Variants in SPATS2L observed in about 807,000 individuals in gnomAD.
SPATS2L encodes spermatogenesis associated serine rich 2 like.
In SPATS2L, 30 loss-of-function variants were observed where a neutral mutation model predicts 59.6. That is an observed-to-expected ratio of 0.50 (90% CI 0.38 to 0.68). SPATS2L has a LOEUF of 0.68. Ranked by LOEUF, SPATS2L falls within the 30% of genes least tolerant of loss-of-function variation. The pLI is 0.00. For missense variants in SPATS2L, 615 were observed against 700.0 expected (o/e 0.88, Z 1.37); for synonymous variants, 252 against 263.5 (o/e 0.96, Z 0.42).
chr2:200,371,678 A>AT (rs1358924783), intron 2 of SPATS2L, among the ~76,000 whole-genome samples: 1 of 152,216 alleles, frequency 6.6e-6, no homozygotes, highest in East Asian at 1.9e-4. Flanking sequence ...TTATCTACAA[A>AT]TTAATTTGGG....
chr2:200,381,510 A>G (rs192295144), intron 2 of SPATS2L, among the ~76,000 whole-genome samples: 10 of 152,288 alleles, frequency 6.6e-5, no homozygotes, highest in Admixed American at 2.6e-4. Context: ...CTTGTTTCCC[A>G]TCCTGTCAGA....
chr2:200,308,703 A>C (rs2079103761), intron 1 of SPATS2L, among the ~76,000 whole-genome samples: 2 of 152,232 alleles, frequency 1.3e-5, no homozygotes, highest in Admixed American at 1.3e-4. Context: ...AATCACTTGA[A>C]TGCAGAGAAT....
intron 2 of SPATS2L, among the ~76,000 whole-genome samples, chr2:200,381,077 G>A (rs556414681): frequency 1.8e-4 from 27 of 152,286 alleles, no homozygotes; most frequent in Middle Eastern, 3.4e-3. Flanking sequence ...GGGACAAAAC[G>A]GAAGAGAAAT....
intron 3 of SPATS2L, 29 bp from the exon 4 acceptor site, chr2:200,412,282 C>G (rs780988562): frequency 2.7e-5 from 33 of 1,236,896 alleles, no homozygotes; most frequent in Non-Finnish European, 3.6e-5. Context: ...GTTCACATTT[C>G]TATTTCTTTT....
Position 200,434,184 on chromosome 2 carries a change from G to A in SPATS2L, c.446-4938G>A, listed in dbSNP as rs544601620. On this transcript the variant is annotated intron_variant, in intron 6 of 12. Transcript: ENST00000409140. ...ATAATATTATTAATAAAATAAAGGA[G>A]AACAATAATATGATCATCTCAGTGT... 8.6e-5 allele frequency among the ~76,000 whole-genome samples: 13 copies of A among 151,810 alleles called. No homozygotes were observed. In the South Asian group the frequency reaches 2.7e-3, roughly 32 times the overall value.
At chr2:200,449,310 C>G (rs1426862960) in intron 8 of SPATS2L, among the ~76,000 whole-genome samples, 2 of 152,136 alleles carry the variant, frequency 1.3e-5, no homozygotes, top group Admixed American at 6.5e-5. Flanking sequence ...TAGGTATAGT[C>G]CCCAGGAAAC....
chr2:200,398,996 G>A (rs912599788), intron 3 of SPATS2L, among the ~76,000 whole-genome samples: 1 of 152,082 alleles, frequency 6.6e-6, no homozygotes, highest in African/African-American at 2.4e-5. Flanking sequence ...AATCCTTGAA[G>A]GTAATTATCA....
At chr2:200,390,248 C>T (rs1486375481) in intron 3 of SPATS2L, 2 of 152,348 alleles carry the variant, frequency 1.3e-5, no homozygotes, top group South Asian at 4.1e-4. Flanking sequence ...CACTTAGCAA[C>T]AGGGTAATAG....
At chr2:200,422,538 A>AG (rs2083353225) in intron 6 of SPATS2L, among the ~76,000 whole-genome samples, 1 of 9,186 alleles carries the variant, frequency 1.1e-4, no homozygotes, top group Non-Finnish European at 6.0e-3. Context: ...AAGACTCCTC[A>AG]AAAAAAAAAA....
chr2:200,378,339 G>A (rs892328483), intron 2 of SPATS2L: 8 of 1,002,428 alleles, frequency 8.0e-6, no homozygotes, highest in South Asian at 4.7e-5. Flanking sequence ...TGGACTGAGA[G>A]CCCTGATTTG....
intron 8 of SPATS2L, among the ~76,000 whole-genome samples, chr2:200,456,784 A>G (rs554470041): frequency 1.3e-5 from 2 of 152,224 alleles, no homozygotes; most frequent in African/African-American, 4.8e-5. Flanking sequence ...TGTCACATGC[A>G]GCAGTATTTC....
At chr2:200,424,323 T>A (rs1347832109) in intron 6 of SPATS2L, among the ~76,000 whole-genome samples, 1 of 149,676 alleles carries the variant, frequency 6.7e-6, no homozygotes, top group African/African-American at 2.5e-5. Flanking sequence ...CTTATCTCTT[T>A]AAAAAAAAAA....
intron 6 of SPATS2L, among the ~76,000 whole-genome samples, chr2:200,438,085 G>A (rs1296521388): frequency 6.6e-6 from 1 of 152,094 alleles, no homozygotes; most frequent in Admixed American, 6.6e-5. Flanking sequence ...ATAAAACCGT[G>A]GTACCATGGT....
Position 200,382,410 on chromosome 2 carries a change from G to A in SPATS2L, c.-22-6813G>A, listed in dbSNP as rs78705022. Among the ~76,000 whole-genome samples the A allele has an allele frequency of 2.5e-3, 383 of 152,290 alleles. 1 individual carries two copies. Among genetic ancestry groups the A allele is most frequent in the Non-Finnish European group, 2.1e-3 (142 of 68,014 alleles). ...ATTTCTTTGAAACAAGTTCATTTAT[G>A]CCCATTCCTGTGTGAGTGGAGTGGT... On this transcript the variant is annotated intron_variant, in intron 2 of 12. Transcript: ENST00000409140.
chr2:200,311,854 T>A (rs2079202377), intron 1 of SPATS2L, among the ~76,000 whole-genome samples: 1 of 152,128 alleles, frequency 6.6e-6, no homozygotes, highest in African/African-American at 2.4e-5. Context: ...GGGAATCTTC[T>A]TAGAATGACA....
At chr2:200,308,116 C>T (rs1454544675) in intron 1 of SPATS2L, among the ~76,000 whole-genome samples, 1 of 151,806 alleles carries the variant, frequency 6.6e-6, no homozygotes, top group South Asian at 2.1e-4. Flanking sequence ...TTTTTAACAT[C>T]GTTTTAGTTT....
At chr2:200,380,141 C>G (rs1400231161) in intron 2 of SPATS2L, among the ~76,000 whole-genome samples, 3 of 152,024 alleles carry the variant, frequency 2.0e-5, no homozygotes, top group Admixed American at 6.5e-5. Flanking sequence ...GCCGTGCGTC[C>G]TCCTCCCCCT....
chr2:200,353,543 T>C (rs2080810177), intron 2 of SPATS2L, among the ~76,000 whole-genome samples: 1 of 152,142 alleles, frequency 6.6e-6, no homozygotes, highest in Non-Finnish European at 1.5e-5. Context: ...TTCCACCCTC[T>C]TCCAACCCTT....
chr2:200,447,667 C>T (rs1441063908), intron 8 of SPATS2L, among the ~76,000 whole-genome samples: 1 of 152,080 alleles, frequency 6.6e-6, no homozygotes, highest in Admixed American at 6.6e-5. Context: ...TGATAGTAAA[C>T]ACTCCTAGTG....
Sources: allele counts gnomAD v4.1 joint callset (sites outside exome capture counted in the v4.1 genomes callset), GRCh38; gene constraint gnomAD v4.1.1; transcripts MANE v1.5; gene names NCBI Gene and HGNC (gene_info 2026-07-23, HGNC 2026-07-21).